The following FOXP2 variants were observed in gnomAD, a reference collection of about 807,000 sequenced individuals.
FOXP2 encodes forkhead box protein P2.
FOXP2 carries 12 observed loss-of-function variants against 115.8 expected under a neutral mutation model. The observed-to-expected ratio is 0.10, with a 90% confidence interval of 0.07 to 0.17. The LOEUF is 0.17. Ranked by LOEUF, FOXP2 falls within the 10% of genes least tolerant of loss-of-function variation. The pLI is 1.00. For missense variants in FOXP2, 629 were observed against 843.5 expected, an observed-to-expected ratio of 0.75 and a Z score of 3.15; for synonymous variants, 328 against 297.7, an observed-to-expected ratio of 1.10 and a Z score of -1.05.
At chr7:114,652,128 T>G in intron 8 of FOXP2, 75 bp from the exon 9 acceptor site, 1 of 1,362,510 alleles carries the variant, frequency 7.3e-7, no homozygotes, top group Non-Finnish European at 1.0e-6. Context: ...TTCAGTGTAG[T>G]GCTTTTTAAG....
chr7:114,450,698 C>T (rs1485310429), intron 2 of FOXP2, among the ~76,000 whole-genome samples: 1 of 151,834 alleles, frequency 6.6e-6, no homozygotes, highest in African/African-American at 2.4e-5. Flanking sequence ...TAATGCACAT[C>T]AGTTAAATAA....
At chr7:114,456,753 C>T (rs977651488) in intron 2 of FOXP2, among the ~76,000 whole-genome samples, 1 of 151,964 alleles carries the variant, frequency 6.6e-6, no homozygotes, top group African/African-American at 2.4e-5. Context: ...TCACAAGAGC[C>T]ATGATATGGA....
intron 16 of FOXP2, 110 bp from the exon 17 acceptor site, chr7:114,689,672 C>T: frequency 3.7e-6 from 4 of 1,069,344 alleles, no homozygotes; most frequent in Non-Finnish European, 5.6e-6. Context: ...TTAAGAAAGA[C>T]AATGTTGTGT....
intron 3 of FOXP2, among the ~76,000 whole-genome samples, chr7:114,608,183 C>T (rs1337688392): frequency 2.6e-5 from 4 of 152,152 alleles, no homozygotes; most frequent in Non-Finnish European, 4.4e-5. Context: ...TAAAACAATA[C>T]ATATTTATTA....
At chr7:114,166,271 TA>T (rs1183510671) in intron 1 of FOXP2, among the ~76,000 whole-genome samples, 3 of 152,150 alleles carry the variant, frequency 2.0e-5, no homozygotes, top group Non-Finnish European at 4.4e-5. Context: ...TCATTAAAAT[TA>T]AAAATTTCTA....
At chr7:114,192,390 A>G (rs193139717) in intron 1 of FOXP2, among the ~76,000 whole-genome samples, 1 of 152,276 alleles carries the variant, frequency 6.6e-6, no homozygotes, top group East Asian at 1.9e-4. Context: ...CTGTTGAAGG[A>G]CATTTTGCTT....
chr7:114,647,039 A>C (rs1249132143), intron 8 of FOXP2, among the ~76,000 whole-genome samples: 1 of 151,878 alleles, frequency 6.6e-6, no homozygotes, highest in Non-Finnish European at 1.5e-5. Context: ...TTGTATATCC[A>C]GTGTTTATTA....
intron 2 of FOXP2, among the ~76,000 whole-genome samples, chr7:114,473,670 A>G (rs966885096): frequency 1.3e-5 from 2 of 151,994 alleles, no homozygotes; most frequent in African/African-American, 2.4e-5. Flanking sequence ...TATTGAAATG[A>G]CTCCAAACCA....
At chr7:114,677,964 A>G (rs1031504660) in intron 16 of FOXP2, among the ~76,000 whole-genome samples, 1 of 152,216 alleles carries the variant, frequency 6.6e-6, no homozygotes, top group African/African-American at 2.4e-5. Context: ...TAAAACTCTA[A>G]TAGAGGGATA....
chr7:114,254,250 G>T (rs1795537327), intron 1 of FOXP2, among the ~76,000 whole-genome samples: 1 of 152,024 alleles, frequency 6.6e-6, no homozygotes, highest in Non-Finnish European at 1.5e-5. Context: ...TTCAACTTTG[G>T]TGAATCTGAC....
At chr7:114,163,870 A>G (rs190862631) in intron 1 of FOXP2, among the ~76,000 whole-genome samples, 7 of 152,344 alleles carry the variant, frequency 4.6e-5, no homozygotes, top group African/African-American at 1.4e-4. Flanking sequence ...ACTGCCAGAA[A>G]TTTGACTTTT....
intron 3 of FOXP2, among the ~76,000 whole-genome samples, chr7:114,597,062 T>A (rs1188814960): frequency 6.6e-6 from 1 of 152,002 alleles, no homozygotes; most frequent in Non-Finnish European, 1.5e-5. Flanking sequence ...TAAGAAAAAA[T>A]TGGGGGCTCT....
chr7:114,481,882 C>T (rs1215375536), intron 2 of FOXP2, among the ~76,000 whole-genome samples: 2 of 151,082 alleles, frequency 1.3e-5, no homozygotes, highest in Non-Finnish European at 3.0e-5. Flanking sequence ...ATTTATAGCA[C>T]TATCAGCCCC....
chr7:114,417,400 TTTAG>T (rs1220692974), intron 1 of FOXP2, among the ~76,000 whole-genome samples: 38 of 151,992 alleles, frequency 2.5e-4, no homozygotes, highest in African/African-American at 8.9e-4. Context: ...AGCTCTTTTA[TTTAG>T]TATGTACAAG....
rs1331201628 is a variant in FOXP2, at chr7:114,099,242, C to T, written c.-247+11404C>T. Reference sequence around the variant, plus strand: ...CGAATAGACATTTCTCCAAAGAAGACAAAGAAATGGCCAACAGGTATATGA... The same window carrying T: ...CGAATAGACATTTCTCCAAAGAAGATAAAGAAATGGCCAACAGGTATATGA... On this transcript the variant is annotated intron_variant, in intron 1 of 19. Transcript: ENST00000635638. Among the ~76,000 whole-genome samples the T allele has an allele frequency of 2.6e-5, 4 of 152,064 alleles. No individual in the cohort carries two copies. In the East Asian group the frequency reaches 7.7e-4, roughly 29 times the overall value.
At chr7:114,210,291 T>C (rs889709021) in intron 1 of FOXP2, among the ~76,000 whole-genome samples, 6 of 152,194 alleles carry the variant, frequency 3.9e-5, no homozygotes, top group African/African-American at 1.4e-4. Context: ...TGTTTGAGGT[T>C]GCTGACTTCA....
At chr7:114,284,859 G>T (rs548450660) in intron 1 of FOXP2, among the ~76,000 whole-genome samples, 1 of 152,286 alleles carries the variant, frequency 6.6e-6, no homozygotes, top group Non-Finnish European at 1.5e-5. Context: ...AAAAAGAAAT[G>T]AGGTGATATA....
chr7:114,213,811 G>A (rs1158083402), intron 1 of FOXP2, among the ~76,000 whole-genome samples: 1 of 152,034 alleles, frequency 6.6e-6, no homozygotes, highest in African/African-American at 2.4e-5. Flanking sequence ...AATAAGAATT[G>A]GCTTTAGGGA....
At position 114,292,001 on chromosome 7, in the gene FOXP2, A is replaced by G. The variant is rs866793361; in HGVS notation, c.-11+3892A>G. On this transcript the variant is annotated intron_variant, in intron 2 of 17. Transcript: ENST00000634411. ...AATATATAGAATATATATTATAGAT[A>G]ATATATAGATATAACATTAAAACAC... Among the ~76,000 whole-genome samples the G allele has an allele frequency of 1.0e-4, 13 of 130,474 alleles. 3 individuals carry two copies. The highest frequency in any genetic ancestry group is 4.8e-4 in the African/African-American group (13 of 26,846). The allele number at this position is 130,474 out of a possible 152,430, so 85.6% of individuals were successfully genotyped here. A position where few individuals can be genotyped will look rare whatever the true frequency, so the allele number is the denominator to read the frequency against.
Sources: allele counts gnomAD v4.1 joint callset (sites outside exome capture counted in the v4.1 genomes callset), GRCh38; gene constraint gnomAD v4.1.1; transcripts MANE v1.5; gene names NCBI Gene and HGNC (gene_info 2026-07-23, HGNC 2026-07-21).